AGPAT5: variants seen among roughly 807,000 people sequenced by gnomAD.
AGPAT5 encodes the protein 1-acyl-sn-glycerol-3-phosphate acyltransferase epsilon.
AGPAT5 carries 46 observed loss-of-function variants against 45.6 expected under a neutral mutation model. That is an observed-to-expected ratio of 1.01 (90% CI 0.80 to 1.29). The LOEUF is 1.29. AGPAT5 is among the 50% of genes most tolerant of loss of function. The probability of loss-of-function intolerance (pLI) is 0.00; values close to 1 mark genes in which losing one functional copy is unlikely to be tolerated. For synonymous variants in AGPAT5, 272 were observed against 167.0 expected (o/e 1.63, Z -4.85); for missense variants, 673 against 450.7 (o/e 1.49, Z -4.47).
chr8:6,709,071 T>G lies in AGPAT5; in HGVS notation c.219+184T>G, dbSNP rs1459072555. On this transcript the variant is annotated intron_variant, in intron 1 of 7. Transcript: ENST00000285518. Reference sequence around the variant, plus strand: ...CTGCCGTTCTGCCGAGATCGCTCTCTAGGAAGCTGTGGCTGCGTCGTCCTG... The same window carrying G: ...CTGCCGTTCTGCCGAGATCGCTCTCGAGGAAGCTGTGGCTGCGTCGTCCTG... The G allele has an allele frequency of 9.9e-6, 7 of 703,996 alleles. No individual in the cohort carries two copies. In the South Asian group the frequency reaches 1.1e-4, roughly 11 times the overall value. The allele number at this position is 703,996 out of a possible 1,614,324, so 43.6% of individuals were successfully genotyped here.
chr8:6,746,276 T>C (rs1801460774), intron 5 of AGPAT5: 1 of 152,260 alleles, frequency 6.6e-6, no homozygotes, highest in Admixed American at 6.5e-5. Context: ...CATGTCTTCC[T>C]CTTGGCCATT....
chr8:6,718,241 T>C (rs959591863), intron 1 of AGPAT5, among the ~76,000 whole-genome samples: 1 of 152,168 alleles, frequency 6.6e-6, no homozygotes, highest in Non-Finnish European at 1.5e-5. Flanking sequence ...TGTGGCCTTC[T>C]TGGGTGGCAC....
At chr8:6,735,434 C>A (rs759636770) in intron 4 of AGPAT5, among the ~76,000 whole-genome samples, 10 of 152,180 alleles carry the variant, frequency 6.6e-5, no homozygotes, top group Admixed American at 2.0e-4. Context: ...CTGCATTCTC[C>A]TTGTGTCTGT....
chr8:6,748,666 G>T (rs1801558606), intron 6 of AGPAT5, among the ~76,000 whole-genome samples: 1 of 152,178 alleles, frequency 6.6e-6, no homozygotes, highest in Non-Finnish European at 1.5e-5. Context: ...CACCATGCAT[G>T]ACTAATATTT....
intron 1 of AGPAT5, 51 bp downstream of exon 1, chr8:6,708,938 G>A (rs749412458): frequency 2.6e-6 from 4 of 1,537,744 alleles, no homozygotes; most frequent in Middle Eastern, 1.7e-4. Context: ...GCTCCCGGGG[G>A]CGCGGACCTC....
At chr8:6,746,921 G>A (rs1388771382) in intron 5 of AGPAT5, among the ~76,000 whole-genome samples, 5 of 152,180 alleles carry the variant, frequency 3.3e-5, no homozygotes, top group South Asian at 2.1e-4. Flanking sequence ...AACCCTAGTA[G>A]GAACCTAATG....
At chr8:6,731,452 T>C (rs1183874711) in intron 3 of AGPAT5, among the ~76,000 whole-genome samples, 1 of 152,204 alleles carries the variant, frequency 6.6e-6, no homozygotes, top group Admixed American at 6.5e-5. Context: ...AGATTACTTA[T>C]AATATCTAAT....
chr8:6,735,894 A>G (rs1801037846), intron 4 of AGPAT5, among the ~76,000 whole-genome samples: 1 of 119,372 alleles, frequency 8.4e-6, no homozygotes, highest in African/African-American at 3.3e-5. Context: ...TCGGTCTGTC[A>G]CCCAGGCTGG....
intron 5 of AGPAT5, 137 bp from the exon 6 acceptor site, chr8:6,747,533 C>T: frequency 2.5e-6 from 2 of 791,902 alleles, no homozygotes; most frequent in Non-Finnish European, 3.9e-6. Context: ...AACTTAGAGC[C>T]CTAAATATAT....
chr8:6,728,309 G>C (rs1208139505), intron 2 of AGPAT5, among the ~76,000 whole-genome samples: 1 of 152,236 alleles, frequency 6.6e-6, no homozygotes, highest in Non-Finnish European at 1.5e-5. Context: ...AATCTCAGCT[G>C]TAACTGAGAT....
At chr8:6,742,333 T>A (rs1801268967) in intron 5 of AGPAT5, among the ~76,000 whole-genome samples, 1 of 152,244 alleles carries the variant, frequency 6.6e-6, no homozygotes. Flanking sequence ...ATGGTAATGT[T>A]CTTAATATCC....
In AGPAT5 at chr8:6,760,312, C is replaced by T. The variant is rs1011383529; in HGVS notation, c.*2924C>T. Among the ~76,000 whole-genome samples the T allele has an allele frequency of 6.6e-6, 1 of 152,036 alleles. No homozygotes were observed. The highest frequency in any genetic ancestry group is 2.4e-5 in the African/African-American group (1 of 41,366). On this transcript the variant is annotated 3_prime_UTR_variant, in exon 8 of 8. Transcript: ENST00000285518. ...ACTCGGGAGGGTGAGGTGGGAGGAT[C>T]GCTTCAGCCCAGGAGGTTGAGATTG...
At position 6,713,522 on chromosome 8, in the gene AGPAT5, A is replaced by T. The variant is rs144845205; in HGVS notation, c.219+4635A>T. 9.2e-5 allele frequency among the ~76,000 whole-genome samples: 14 copies of T among 152,276 alleles called. No homozygotes were observed. In the Middle Eastern group the frequency reaches 0.017, roughly 185 times the overall value. ...AAGATAAAGAATTTAAGATTTTGAC[A>T]TTTCTCTAATATGCCCTTAACTTCT... On this transcript the variant is annotated intron_variant, in intron 1 of 7. Transcript: ENST00000285518.
chr8:6,708,848 C>G lies in AGPAT5; in HGVS notation c.180C>G (p.Ser60Arg), dbSNP rs374017997. The change falls in exon 1 of 8, where the codon AGC becomes AGG. Residue 60 changes from serine to arginine, a missense_variant. By Grantham distance (110) the Ser-to-Arg change is moderately radical (BLOSUM62 -1). Coordinates refer to ENST00000285518, the MANE Select transcript of AGPAT5 (RefSeq NM_018361.5). ...LDDRLYCVYQSMVLFFFENYT... is the reference protein window; with the variant it reads ...LDDRLYCVYQRMVLFFFENYT... ...ACCGGCTCTACTGCGTCTACCAGAG[C>G]ATGGTGCTCTTCTTCTTCGAGAATT... 2 of 1,611,150 alleles carry G rather than the reference C, an allele frequency of 1.2e-6. No homozygotes were observed. The highest frequency in any genetic ancestry group is 2.2e-5 in the South Asian group (2 of 90,964).
intron 1 of AGPAT5, among the ~76,000 whole-genome samples, chr8:6,713,328 A>G (rs1800216982): frequency 6.6e-6 from 1 of 152,144 alleles, no homozygotes; most frequent in African/African-American, 2.4e-5. Flanking sequence ...AACACTTGGA[A>G]TTTACTTCAG....
intron 1 of AGPAT5, among the ~76,000 whole-genome samples, chr8:6,713,670 C>T (rs902161725): frequency 5.9e-5 from 9 of 152,146 alleles, no homozygotes; most frequent in Non-Finnish European, 1.0e-4. Context: ...CCTCCCACCT[C>T]AGCCTCCTGA....
At chr8:6,738,278 G>A (rs1394234028) in intron 4 of AGPAT5, 8 of 152,252 alleles carry the variant, frequency 5.3e-5, no homozygotes, top group South Asian at 2.1e-4. Context: ...CCATTGTAGG[G>A]TTATTAATTG....
rs910125497 is a variant in AGPAT5 at position 6,729,583 on chromosome 8, C to T, written c.290-1128C>T. Among the ~76,000 whole-genome samples the T allele has an allele frequency of 5.9e-5, 9 of 152,172 alleles. No homozygotes were observed. In the South Asian group the frequency reaches 1.2e-3, roughly 21 times the overall value. On this transcript the variant is annotated intron_variant, in intron 2 of 7. Transcript: ENST00000285518. ...ATTTACTTTCAAATCCAAGTTTCTG[C>T]GGTTCTTAAGACCTGTATCATTTGT... is the stretch of plus-strand genomic sequence containing the variant.
intron 4 of AGPAT5, among the ~76,000 whole-genome samples, chr8:6,735,249 G>A (rs1194901125): frequency 6.6e-6 from 1 of 152,150 alleles, no homozygotes; most frequent in African/African-American, 2.4e-5. Flanking sequence ...GTTTCAGGCT[G>A]CTGTTCCATA....
Sources: gnomAD v4.1 joint callset for allele counts (sites outside exome capture counted in the v4.1 genomes callset) on GRCh38, gnomAD v4.1.1 for gene constraint, MANE v1.5 for transcripts, NCBI Gene and HGNC (gene_info 2026-07-23, HGNC 2026-07-21) for gene names.